The following EYS variants were observed in gnomAD, a reference collection of about 807,000 sequenced individuals.
The protein encoded by EYS is EGF-like photoreceptor maintenance factor, also known as protein eyes shut homolog.
Under a neutral mutation model 282.1 loss-of-function variants are expected in EYS, and 250 were observed. The observed-to-expected ratio is 0.89, with a 90% CI of 0.80 to 0.98. The LOEUF (loss-of-function observed/expected upper bound fraction) is 0.98, where lower values mean the gene tolerates loss of function less well. Ranked by LOEUF, EYS falls within the 50% of genes least tolerant of loss-of-function variation. The pLI is 0.00. For missense variants in EYS, 4,016 were observed against 3,709.0 expected (o/e 1.08, Z -2.15); for synonymous variants, 1,355 against 1,282.9 (o/e 1.06, Z -1.20).
intron 11 of EYS, among the ~76,000 whole-genome samples, chr6:65,298,275 A>G (rs1768720899): frequency 6.6e-6 from 1 of 151,950 alleles, no homozygotes; most frequent in African/African-American, 2.4e-5. Context: ...ACAAACAAAA[A>G]CTGTACTAAT....
chr6:65,499,924 T>C (rs908369717), intron 2 of EYS, among the ~76,000 whole-genome samples: 2 of 151,940 alleles, frequency 1.3e-5, no homozygotes, highest in African/African-American at 2.4e-5. Context: ...ATTATGACAA[T>C]GATCCTGTGA....
intron 29 of EYS, among the ~76,000 whole-genome samples, chr6:64,344,694 G>T (rs1251857177): frequency 6.6e-6 from 1 of 151,978 alleles, no homozygotes; most frequent in African/African-American, 2.4e-5. Context: ...GGAAGTTCTG[G>T]CCAGGGCAAT....
At chr6:65,646,572 G>A (rs1767458228) in intron 1 of EYS, among the ~76,000 whole-genome samples, 1 of 152,124 alleles carries the variant, frequency 6.6e-6, no homozygotes, top group Admixed American at 6.5e-5. Context: ...ACATTATACT[G>A]CATGGGAAGA....
At chr6:64,690,019 C>T (rs1296042699) in intron 22 of EYS, among the ~76,000 whole-genome samples, 1 of 151,944 alleles carries the variant, frequency 6.6e-6, no homozygotes, top group Non-Finnish European at 1.5e-5. Context: ...GTAAAAGAAA[C>T]TACCATCAGA....
At chr6:64,294,144 A>G (rs1243348498) in intron 30 of EYS, among the ~76,000 whole-genome samples, 1 of 152,204 alleles carries the variant, frequency 6.6e-6, no homozygotes, top group Non-Finnish European at 1.5e-5. Flanking sequence ...ACTGTTGGAA[A>G]AAACCTTGGT....
chr6:64,376,756 G>T (rs145818629), intron 29 of EYS, among the ~76,000 whole-genome samples: 2 of 151,656 alleles, frequency 1.3e-5, no homozygotes, highest in African/African-American at 2.4e-5. Context: ...GTCATTTGAG[G>T]CTTACAACAA....
intron 36 of EYS, among the ~76,000 whole-genome samples, chr6:63,862,865 T>C (rs1772570446): frequency 6.6e-6 from 1 of 152,210 alleles, no homozygotes; most frequent in Non-Finnish European, 1.5e-5. Context: ...TAGTACTTCT[T>C]AACTCTTCCC....
intron 33 of EYS, among the ~76,000 whole-genome samples, chr6:64,020,507 T>G (rs1208172665): frequency 6.6e-6 from 1 of 152,218 alleles, no homozygotes; most frequent in Non-Finnish European, 1.5e-5. Context: ...TGTTCACTAT[T>G]ATTCCTGATA....
intron 26 of EYS, among the ~76,000 whole-genome samples, chr6:64,586,523 G>C (rs1766237920): frequency 6.6e-6 from 1 of 151,902 alleles, no homozygotes; most frequent in Non-Finnish European, 1.5e-5. Context: ...TTCTATATTG[G>C]TATGATTAGG....
intron 5 of EYS, among the ~76,000 whole-genome samples, chr6:65,414,739 G>T (rs1056713868): frequency 6.6e-6 from 1 of 152,066 alleles, no homozygotes; most frequent in Admixed American, 6.6e-5. Context: ...GTTAATTAGA[G>T]TGATCTGCAG....
intron 2 of EYS, among the ~76,000 whole-genome samples, chr6:65,519,292 TTGTGTGTGTG>T: frequency 6.6e-6 from 1 of 150,386 alleles, no homozygotes; most frequent in Non-Finnish European, 1.5e-5. Flanking sequence ...CTGTGTGTGT[TTGTGTGTGTG>T]TGTGTGGCGG....
At chr6:65,338,816 C>G (rs34774916) in intron 10 of EYS, among the ~76,000 whole-genome samples, 1 of 150,870 alleles carries the variant, frequency 6.6e-6, no homozygotes, top group Non-Finnish European at 1.5e-5. Flanking sequence ...ATACATAACA[C>G]AATATTATTA....
At chr6:64,187,542 T>G (rs189259467) in intron 31 of EYS, among the ~76,000 whole-genome samples, 3 of 152,040 alleles carry the variant, frequency 2.0e-5, no homozygotes, top group Admixed American at 1.3e-4. Flanking sequence ...TAAAAAAAAT[T>G]TATAACAGTT....
intron 7 of EYS, among the ~76,000 whole-genome samples, chr6:65,384,701 G>A (rs1245147645): frequency 1.3e-5 from 2 of 151,774 alleles, no homozygotes; most frequent in African/African-American, 4.8e-5. Context: ...CATTTTCAAT[G>A]TATGCTCTTA....
intron 35 of EYS, among the ~76,000 whole-genome samples, chr6:63,887,240 A>G (rs540747737): frequency 1.3e-5 from 2 of 152,082 alleles, no homozygotes; most frequent in East Asian, 3.9e-4. Context: ...GAATATAATG[A>G]GAATATATCC....
chr6:64,007,003 T>C (rs1296805264), intron 33 of EYS, among the ~76,000 whole-genome samples: 1 of 152,140 alleles, frequency 6.6e-6, no homozygotes, highest in East Asian at 1.9e-4. Context: ...GGATGATGCT[T>C]AACTCATAGA....
intron 22 of EYS, among the ~76,000 whole-genome samples, chr6:64,779,010 G>A (rs898940537): frequency 8.5e-5 from 13 of 152,062 alleles, no homozygotes; most frequent in Non-Finnish European, 1.9e-4. Flanking sequence ...GCAAGTATGC[G>A]GAGCAACAGG....
At chr6:64,224,769 C>T (rs1766206006) in intron 31 of EYS, among the ~76,000 whole-genome samples, 1 of 151,340 alleles carries the variant, frequency 6.6e-6, no homozygotes, top group Non-Finnish European at 1.5e-5. Context: ...AATAAATGGA[C>T]ATAAAAGACA....
intron 35 of EYS, among the ~76,000 whole-genome samples, chr6:63,883,727 C>A (rs774872612): frequency 1.0e-3 from 159 of 152,264 alleles, no homozygotes; most frequent in African/African-American, 3.8e-3. Flanking sequence ...TGGGGGAATT[C>A]GAAGCTATGG....
Sources: allele counts gnomAD v4.1 joint callset (sites outside exome capture counted in the v4.1 genomes callset), GRCh38; gene constraint gnomAD v4.1.1; transcripts MANE v1.5; gene names NCBI Gene and HGNC (gene_info 2026-07-23, HGNC 2026-07-21).